The following RNF216 variants were observed in gnomAD, a reference collection of about 807,000 sequenced individuals.
RNF216 encodes ring finger protein 216.
Under a neutral mutation model 110.8 loss-of-function variants are expected in RNF216, and 72 were observed. That is an observed-to-expected ratio of 0.65 (90% CI 0.54 to 0.79). The LOEUF (loss-of-function observed/expected upper bound fraction) is 0.79. Among genes scored for constraint, RNF216 ranks in the 30% least tolerant of loss-of-function variants. The pLI is 0.00. For missense variants in RNF216, 1,342 were observed against 1,141.2 expected (o/e 1.18, Z -2.54); for synonymous variants, 495 against 407.5 (o/e 1.21, Z -2.59).
At chr7:5,770,499 CA>C (rs1363102362) in intron 1 of RNF216, among the ~76,000 whole-genome samples, 4 of 151,166 alleles carry the variant, frequency 2.6e-5, no homozygotes, top group African/African-American at 4.9e-5. Context: ...AATTAAATAT[CA>C]AATAAATGTA....
chr7:5,667,282 A>G (rs978085791), intron 13 of RNF216, among the ~76,000 whole-genome samples: 1 of 152,250 alleles, frequency 6.6e-6, no homozygotes, highest in Non-Finnish European at 1.5e-5. Context: ...GTTTGGATGA[A>G]GCTTATGGTA....
chr7:5,777,394 T>C (rs1796843253), intron 1 of RNF216: 1 of 152,236 alleles, frequency 6.6e-6, no homozygotes, highest in African/African-American at 2.4e-5. Flanking sequence ...AGCAATGCAA[T>C]GACAGCTGTG....
intron 13 of RNF216, among the ~76,000 whole-genome samples, chr7:5,689,133 C>T (rs1791167584): frequency 6.6e-6 from 1 of 151,952 alleles, no homozygotes; most frequent in African/African-American, 2.4e-5. Context: ...AGCCAATATG[C>T]AGAACCAAAA....
chr7:5,707,733 T>A (rs1377854887), intron 13 of RNF216, among the ~76,000 whole-genome samples: 8 of 145,582 alleles, frequency 5.5e-5, no homozygotes, highest in Non-Finnish European at 9.0e-5. Context: ...TTTTTTTTTT[T>A]TTTTTTTTGT....
In RNF216 at chr7:5,637,859, T is replaced by C. The variant is rs576222869; in HGVS notation, c.2382+3295A>G. On this transcript the variant is annotated intron_variant, in intron 15 of 16. Transcript: ENST00000389902. ...CCAGGCCAAATTACGCATTTCTTTT[T>C]CTTTAAGATCAAGTCTTGTTCTGTT... Among the ~76,000 whole-genome samples, 7 of 152,328 alleles carry C rather than the reference T, an allele frequency of 4.6e-5. No individual in the cohort carries two copies. In the East Asian group the frequency reaches 1.2e-3, roughly 25 times the overall value.
chr7:5,653,146 T>C (rs1168182249), intron 13 of RNF216, among the ~76,000 whole-genome samples: 3 of 146,884 alleles, frequency 2.0e-5, no homozygotes, highest in Non-Finnish European at 3.1e-5. Context: ...CTTTCCTCCG[T>C]TGCTCATCAC....
intron 9 of RNF216, among the ~76,000 whole-genome samples, chr7:5,719,343 T>C (rs548282313): frequency 7.2e-5 from 11 of 152,128 alleles, no homozygotes; most frequent in Non-Finnish European, 1.3e-4. Flanking sequence ...ATCACTGCAC[T>C]CCAGCCTAAG....
At chr7:5,637,701 G>A (rs1030877271) in intron 15 of RNF216, among the ~76,000 whole-genome samples, 5 of 152,060 alleles carry the variant, frequency 3.3e-5, no homozygotes, top group Non-Finnish European at 7.4e-5. Flanking sequence ...CACCACCCCT[G>A]GATAACTTTG....
chr7:5,625,280 G>C (rs1204941510), intron 15 of RNF216, among the ~76,000 whole-genome samples: 3 of 152,240 alleles, frequency 2.0e-5, no homozygotes, highest in Non-Finnish European at 4.4e-5. Context: ...GAGAAGGATG[G>C]GGAGGGATGG....
chr7:5,752,768 C>T (rs543098712), intron 3 of RNF216, 78 bp downstream of exon 3: 1 of 1,477,820 alleles, frequency 6.8e-7, no homozygotes, highest in South Asian at 1.2e-5. Flanking sequence ...TGTTCTACAA[C>T]AAGGCCCACA....
At chr7:5,715,580 T>C (rs1456070198) in intron 10 of RNF216, among the ~76,000 whole-genome samples, 1 of 142,336 alleles carries the variant, frequency 7.0e-6, no homozygotes, top group African/African-American at 2.5e-5. Context: ...AGTTGAATTT[T>C]GTTCTTGTCA....
intron 13 of RNF216, among the ~76,000 whole-genome samples, chr7:5,710,872 G>C (rs1792637835): frequency 6.6e-6 from 1 of 152,228 alleles, no homozygotes. Context: ...GCTTTCTTAA[G>C]AGCTGCAAGA....
At position 5,742,654 on chromosome 7, in the gene RNF216, G is replaced by A. The variant is rs536925510; in HGVS notation, c.202-839C>T. On this transcript the variant is annotated intron_variant, in intron 3 of 16. Transcript: ENST00000389902. ...TCTATTGCCCAGGCTGGAGTGCAAT[G>A]GCATGATCTCAGCTCACTCCAACTT... 2.2e-5 allele frequency among the ~76,000 whole-genome samples: 3 copies of A among 138,806 alleles called. No individual in the cohort carries two copies. In the East Asian group the frequency reaches 7.1e-4, roughly 33 times the overall value. The allele number at this position is 138,806 out of a possible 152,430, so 91.1% of individuals were successfully genotyped here.
intron 1 of RNF216, among the ~76,000 whole-genome samples, chr7:5,766,507 T>TAGAG (rs1028397249): frequency 1.3e-5 from 2 of 151,804 alleles, no homozygotes; most frequent in Non-Finnish European, 2.9e-5. Context: ...AGAAGAGATC[T>TAGAG]AGAGAGCTTG....
At chr7:5,713,329 T>G (rs11976271) in intron 11 of RNF216, 11,395 of 154,814 alleles carry the variant, frequency 0.074, 1,398 homozygotes, top group African/African-American at 0.26. Context: ...ATTGGCTGAC[T>G]CTGAGAGAAA....
chr7:5,701,349 A>G (rs2128621049), intron 13 of RNF216, among the ~76,000 whole-genome samples: 1 of 152,274 alleles, frequency 6.6e-6, no homozygotes, highest in Non-Finnish European at 1.5e-5. Context: ...TGCCCACTTT[A>G]GGGGAACTCC....
chr7:5,665,845 G>A (rs1013530083), intron 13 of RNF216, among the ~76,000 whole-genome samples: 3 of 151,848 alleles, frequency 2.0e-5, no homozygotes, highest in African/African-American at 7.3e-5. Flanking sequence ...CCTAGGCAAT[G>A]GCATCATGTG....
intron 9 of RNF216, among the ~76,000 whole-genome samples, chr7:5,717,949 C>G (rs1274388791): frequency 6.6e-6 from 1 of 152,076 alleles, no homozygotes; most frequent in Non-Finnish European, 1.5e-5. Context: ...CACATGGTGG[C>G]ACACACCTGT....
At chr7:5,748,607 T>C (rs201988452) in intron 3 of RNF216, among the ~76,000 whole-genome samples, 1 of 97,394 alleles carries the variant, frequency 1.0e-5, no homozygotes, top group East Asian at 3.1e-4. Context: ...ATTTTTTATA[T>C]ACATACACAC....
Sources: gnomAD v4.1 joint callset for allele counts (sites outside exome capture counted in the v4.1 genomes callset) on GRCh38, gnomAD v4.1.1 for gene constraint, MANE v1.5 for transcripts, NCBI Gene and HGNC (gene_info 2026-07-23, HGNC 2026-07-21) for gene names.